The following MYO3B variants were observed in gnomAD, a reference collection of about 807,000 sequenced individuals.
The protein encoded by MYO3B is myosin-IIIb.
MYO3B carries 156 observed loss-of-function variants against 174.6 expected under a neutral mutation model. That is an observed-to-expected ratio of 0.89 (90% CI 0.78 to 1.02). The LOEUF (loss-of-function observed/expected upper bound fraction) is 1.02, where lower values mean the gene tolerates loss of function less well. Among genes scored for constraint, MYO3B ranks in the 50% least tolerant of loss-of-function variants. MYO3B has a pLI of 0.00. For missense variants in MYO3B, 1,632 were observed against 1,639.4 expected, an observed-to-expected ratio of 1.00 and a Z score of 0.08; for synonymous variants, 563 against 569.1, an observed-to-expected ratio of 0.99 and a Z score of 0.15.
Position 170,335,419 on chromosome 2 carries a change from T to C in MYO3B, c.784T>C (p.Trp262Arg), listed in dbSNP as rs778849687. ...PPPTLLHPEK[W>R]CEEFNHFISQ... The stretch of plus-strand genomic sequence containing the variant: ...ACCTACTTTACTTCATCCAGAAAAA[T>C]GGTGTGAAGAATTCAACCACTTTAT... Residue 262 changes from tryptophan to arginine, a missense_variant, in exon 8 of 35, where the codon TGG becomes CGG. Physicochemically the swap from Trp to Arg is moderately radical, Grantham distance 101. Coordinates refer to ENST00000408978, the MANE Select transcript of MYO3B (RefSeq NM_138995.5). 5 of 1,612,164 alleles carry C rather than the reference T, an allele frequency of 3.1e-6. No individual in the cohort carries two copies. The East Asian group carries it at 1.1e-4, about 36-fold the overall frequency.
intron 7 of MYO3B, among the ~76,000 whole-genome samples, chr2:170,267,423 G>C (rs1436176171): frequency 6.6e-6 from 1 of 152,200 alleles, no homozygotes; most frequent in Non-Finnish European, 1.5e-5. Flanking sequence ...TTTGTGTGCA[G>C]AAGGAAAGAG....
chr2:170,219,635 C>T (rs1417866125), intron 6 of MYO3B, among the ~76,000 whole-genome samples: 1 of 150,702 alleles, frequency 6.6e-6, no homozygotes, highest in Non-Finnish European at 1.5e-5. Context: ...CAGAGTTAGA[C>T]TCTGTCTCTC....
At chr2:170,421,779 G>T (rs138271387) in intron 22 of MYO3B, among the ~76,000 whole-genome samples, 1 of 152,194 alleles carries the variant, frequency 6.6e-6, no homozygotes, top group South Asian at 2.1e-4. Context: ...GGGAAAATAC[G>T]TGTATGATGT....
intron 7 of MYO3B, among the ~76,000 whole-genome samples, chr2:170,257,381 A>C (rs994556919): frequency 6.6e-6 from 1 of 152,166 alleles, no homozygotes; most frequent in African/African-American, 2.4e-5. Flanking sequence ...AATAATACCA[A>C]CCATACTCTT....
chr2:170,499,783 G>C lies in MYO3B; in HGVS notation c.3264G>C (p.Glu1088Asp). The C allele has an allele frequency of 6.2e-7, 1 of 1,614,008 alleles. No individual in the cohort carries two copies. The highest frequency in any genetic ancestry group is 1.3e-5 in the African/African-American group (1 of 75,032). Residue 1088 changes from glutamate (E) to aspartate (D), a missense_variant, in exon 27 of 35, where the codon GAG becomes GAC. Glu to Asp is a conservative substitution (Grantham distance 45, BLOSUM62 2). Coordinates refer to ENST00000408978, the MANE Select transcript of MYO3B (RefSeq NM_138995.5). ...RRYKRVREKR[E>D]KGAIAIQSAW... Reference sequence around the variant, plus strand: ...ACAAAAGGGTCAGAGAGAAGAGAGAGAAGGGAGCCATTGCCATCCAGTCAG... The same window carrying C: ...ACAAAAGGGTCAGAGAGAAGAGAGACAAGGGAGCCATTGCCATCCAGTCAG...
At chr2:170,622,893 G>A (rs949004221) in intron 32 of MYO3B, among the ~76,000 whole-genome samples, 6 of 152,146 alleles carry the variant, frequency 3.9e-5, no homozygotes, top group African/African-American at 1.4e-4. Flanking sequence ...CCCTACAAAG[G>A]ACAGGAACTC....
intron 32 of MYO3B, among the ~76,000 whole-genome samples, chr2:170,576,956 G>C (rs1279409315): frequency 1.3e-5 from 2 of 152,168 alleles, no homozygotes; most frequent in African/African-American, 2.4e-5. Flanking sequence ...CTGGGCTCCA[G>C]ACATAGTCCT....
intron 30 of MYO3B, among the ~76,000 whole-genome samples, chr2:170,540,915 C>T (rs1690057110): frequency 6.6e-6 from 1 of 151,964 alleles, no homozygotes; most frequent in African/African-American, 2.4e-5. Context: ...TGCCGGAAAG[C>T]CTCTCGGGAA....
intron 30 of MYO3B, among the ~76,000 whole-genome samples, chr2:170,533,446 T>A (rs1176932369): frequency 6.6e-6 from 1 of 151,232 alleles, no homozygotes; most frequent in Non-Finnish European, 1.5e-5. Flanking sequence ...TGTGCAGTGG[T>A]GAAAAGAACA....
At chr2:170,587,391 G>A (rs920392957) in intron 32 of MYO3B, among the ~76,000 whole-genome samples, 1 of 152,108 alleles carries the variant, frequency 6.6e-6, no homozygotes, top group Admixed American at 6.5e-5. Context: ...CAAAACTTAT[G>A]GCTAATGTTG....
intron 23 of MYO3B, among the ~76,000 whole-genome samples, chr2:170,462,415 C>G (rs906477915): frequency 1.3e-5 from 2 of 152,226 alleles, no homozygotes; most frequent in African/African-American, 4.8e-5. Context: ...TGCATACAGT[C>G]TCCCACATAC....
chr2:170,249,094 G>A (rs2093223691), intron 7 of MYO3B, among the ~76,000 whole-genome samples: 2 of 152,182 alleles, frequency 1.3e-5, no homozygotes, highest in Admixed American at 6.5e-5. Flanking sequence ...ATTCATTCTG[G>A]TAACTCCCAA....
intron 7 of MYO3B, among the ~76,000 whole-genome samples, chr2:170,321,960 C>G (rs1038434815): frequency 6.6e-6 from 1 of 151,504 alleles, no homozygotes; most frequent in African/African-American, 2.4e-5. Context: ...CTAAAAATAC[C>G]AAAATTAGCT....
chr2:170,405,535 A>G lies in MYO3B; in HGVS notation c.2432-10A>G. 1 of 1,613,776 alleles carries G rather than the reference A, an allele frequency of 6.2e-7. No homozygotes were observed. Among genetic ancestry groups the G allele is most frequent in the Non-Finnish European group, 8.5e-7 (1 of 1,179,676 alleles). ...CACATTGTAACTCTCCAACATAAAA[A>G]TCCACACAGATAAATTTGAAGATAA... On this transcript the variant is annotated splice_polypyrimidine_tract_variant and intron_variant, in intron 20 of 34. Transcript: ENST00000408978.
chr2:170,227,659 A>G (rs2092966876), intron 6 of MYO3B, among the ~76,000 whole-genome samples: 1 of 152,170 alleles, frequency 6.6e-6, no homozygotes, highest in Non-Finnish European at 1.5e-5. Context: ...TCTCAAGGAC[A>G]TCCTTATTTG....
At chr2:170,198,080 A>G (rs1162829267) in intron 1 of MYO3B, among the ~76,000 whole-genome samples, 2 of 150,206 alleles carry the variant, frequency 1.3e-5, no homozygotes, top group Non-Finnish European at 2.9e-5. Context: ...GTGAATGATC[A>G]GAAATTTATC....
At chr2:170,551,011 G>A (rs1227017640) in intron 32 of MYO3B, among the ~76,000 whole-genome samples, 2 of 71,770 alleles carry the variant, frequency 2.8e-5, no homozygotes, top group East Asian at 2.4e-4. Flanking sequence ...CTTTTCTCAT[G>A]CCTCAGCCTC....
chr2:170,627,635 T>C (rs891195307), intron 32 of MYO3B, among the ~76,000 whole-genome samples: 4 of 152,242 alleles, frequency 2.6e-5, no homozygotes, highest in Admixed American at 6.5e-5. Flanking sequence ...CTCTGATTTT[T>C]AGAATTTTCT....
intron 9 of MYO3B, among the ~76,000 whole-genome samples, chr2:170,379,212 T>C (rs2094317211): frequency 1.1e-5 from 1 of 89,456 alleles, no homozygotes; most frequent in South Asian, 4.1e-4. Context: ...TTTTTTTTTT[T>C]TGAGACGGAA....
Sources: gnomAD v4.1 joint callset for allele counts (sites outside exome capture counted in the v4.1 genomes callset) on GRCh38, gnomAD v4.1.1 for gene constraint, MANE v1.5 for transcripts, NCBI Gene and HGNC (gene_info 2026-07-23, HGNC 2026-07-21) for gene names.